The following ERC2 variants were observed in gnomAD, a reference collection of about 807,000 sequenced individuals.
ERC2 encodes the protein ELKS/RAB6-interacting/CAST family member 2.
Under a neutral mutation model 114.8 loss-of-function variants are expected in ERC2, and 42 were observed. The ratio of observed to expected loss-of-function variants is 0.37; its 90% CI spans 0.29 to 0.47. The LOEUF (loss-of-function observed/expected upper bound fraction) is 0.47. ERC2 is among the 20% of genes least tolerant of loss of function. The pLI is 0.99. For missense variants in ERC2, 939 were observed against 1,150.7 expected (o/e 0.82, Z 2.66); for synonymous variants, 454 against 425.5 (o/e 1.07, Z -0.82).
chr3:55,823,929 C>T (rs913447376), intron 14 of ERC2, among the ~76,000 whole-genome samples: 1 of 152,164 alleles, frequency 6.6e-6, no homozygotes, highest in African/African-American at 2.4e-5. Context: ...GGAGGCTAGA[C>T]ATCCAAGATC....
Position 56,296,334 on chromosome 3 carries a change from G to A in ERC2, c.759C>T (p.His253=), listed in dbSNP as rs1219673400. 4 of 1,613,932 alleles carry A rather than the reference G, an allele frequency of 2.5e-6. No individual in the cohort carries two copies. Among genetic ancestry groups the A allele is most frequent in the East Asian group, 2.2e-5 (1 of 44,902 alleles). The stretch of plus-strand genomic sequence containing the variant: ...TCTCCTCGGTCAGCTCGATGGTGAA[G>A]TGCTCCGCTCCTCGGTTGCCACTCT... ...QQESGNRGAE[H]FTIELTEENF... is the part of the protein sequence containing the mutation. The change falls in exon 3 of 18, where the codon CAC becomes CAT. Residue 253 remains histidine (H), a synonymous_variant. Transcript: ENST00000288221.
intron 6 of ERC2, among the ~76,000 whole-genome samples, chr3:56,118,794 G>A (rs373278037): frequency 2.3e-3 from 352 of 151,912 alleles, no homozygotes; most frequent in Middle Eastern, 0.02. Flanking sequence ...CCGCCACCAC[G>A]CCCGGCTAAT....
At chr3:55,587,332 T>C (rs1046076406) in intron 17 of ERC2, among the ~76,000 whole-genome samples, 2 of 152,212 alleles carry the variant, frequency 1.3e-5, no homozygotes, top group African/African-American at 4.8e-5. Context: ...TTTGTATTTT[T>C]AGTGTCACTG....
intron 2 of ERC2, among the ~76,000 whole-genome samples, chr3:56,416,017 G>A (rs1424058440): frequency 2.0e-5 from 3 of 152,166 alleles, no homozygotes; most frequent in African/African-American, 7.2e-5. Context: ...GCCATGACAC[G>A]TTTTAACCAA....
chr3:56,379,871 C>T (rs562898371), intron 2 of ERC2, among the ~76,000 whole-genome samples: 2 of 152,220 alleles, frequency 1.3e-5, no homozygotes, highest in South Asian at 4.2e-4. Flanking sequence ...CAACTGATGA[C>T]GACAATGATG....
chr3:56,406,087 T>C (rs1030516099), intron 2 of ERC2, among the ~76,000 whole-genome samples: 5 of 151,868 alleles, frequency 3.3e-5, no homozygotes, highest in Non-Finnish European at 7.4e-5. Context: ...GAGACGTGGT[T>C]GTGCCATGTC....
At chr3:56,138,132 TC>T (rs2080629639) in intron 6 of ERC2, among the ~76,000 whole-genome samples, 1 of 131,574 alleles carries the variant, frequency 7.6e-6, no homozygotes, top group African/African-American at 2.8e-5. Flanking sequence ...CGATCTCCAC[TC>T]ACTGCAAGCT....
intron 10 of ERC2, among the ~76,000 whole-genome samples, chr3:56,002,342 T>A (rs990453917): frequency 6.6e-6 from 1 of 152,298 alleles, no homozygotes; most frequent in South Asian, 2.1e-4. Flanking sequence ...TGATAAACTC[T>A]AGCCATCTTT....
intron 13 of ERC2, among the ~76,000 whole-genome samples, chr3:55,946,664 C>T (rs960560160): frequency 6.6e-6 from 1 of 152,130 alleles, no homozygotes; most frequent in African/African-American, 2.4e-5. Context: ...CAGAGAGATT[C>T]TCTGCCATAC....
chr3:55,949,815 T>C (rs1317285727), intron 13 of ERC2, among the ~76,000 whole-genome samples: 1 of 152,228 alleles, frequency 6.6e-6, no homozygotes, highest in Non-Finnish European at 1.5e-5. Context: ...TTGAATGTTT[T>C]ATTGAGTACA....
At chr3:55,887,692 C>T (rs184069770) in intron 14 of ERC2, among the ~76,000 whole-genome samples, 1 of 152,274 alleles carries the variant, frequency 6.6e-6, no homozygotes, top group East Asian at 1.9e-4. Context: ...GAGAATGAAA[C>T]AAGAGTGAGG....
intron 14 of ERC2, among the ~76,000 whole-genome samples, chr3:55,882,548 G>T (rs1255060962): frequency 6.6e-6 from 1 of 152,200 alleles, no homozygotes; most frequent in Non-Finnish European, 1.5e-5. Flanking sequence ...AAATGCATTT[G>T]CACTGAACAT....
intron 14 of ERC2, among the ~76,000 whole-genome samples, chr3:55,791,930 T>C (rs1417385154): frequency 6.6e-6 from 1 of 152,198 alleles, no homozygotes; most frequent in Non-Finnish European, 1.5e-5. Context: ...TATGTGAACA[T>C]TTTTACTCCA....
chr3:55,918,917 A>G (rs1311751848), intron 13 of ERC2, among the ~76,000 whole-genome samples: 1 of 151,880 alleles, frequency 6.6e-6, no homozygotes, highest in Admixed American at 6.6e-5. Flanking sequence ...ATGCAGCAAT[A>G]GATTCCTGAT....
At chr3:56,361,332 T>C (rs35977673) in intron 2 of ERC2, among the ~76,000 whole-genome samples, 35,442 of 152,006 alleles carry the variant, frequency 0.23, 4,700 homozygotes, top group Non-Finnish European at 0.29. Context: ...AAAGATGATG[T>C]CTGTTCAAGA....
At chr3:56,361,132 C>T (rs762235544) in intron 2 of ERC2, among the ~76,000 whole-genome samples, 2 of 151,932 alleles carry the variant, frequency 1.3e-5, no homozygotes, top group East Asian at 1.9e-4. Context: ...TTTTGTCTGA[C>T]GTGCTATGGA....
intron 7 of ERC2, among the ~76,000 whole-genome samples, chr3:56,078,662 A>G (rs1488209065): frequency 6.6e-6 from 1 of 152,160 alleles, no homozygotes; most frequent in Non-Finnish European, 1.5e-5. Flanking sequence ...AGCATGTAAC[A>G]TAACCTTGGC....
chr3:56,111,564 G>A (rs757277970), intron 6 of ERC2, among the ~76,000 whole-genome samples: 3 of 152,086 alleles, frequency 2.0e-5, no homozygotes, highest in East Asian at 1.9e-4. Context: ...GGCACTTTAC[G>A]GAGCAGACCA....
intron 17 of ERC2, among the ~76,000 whole-genome samples, chr3:55,559,002 T>G (rs1388386299): frequency 6.6e-6 from 1 of 152,186 alleles, no homozygotes; most frequent in African/African-American, 2.4e-5. Context: ...GGAGACACAG[T>G]TGGGCAGGCT....
Sources: gnomAD v4.1 joint callset for allele counts (sites outside exome capture counted in the v4.1 genomes callset) on GRCh38, gnomAD v4.1.1 for gene constraint, MANE v1.5 for transcripts, NCBI Gene and HGNC (gene_info 2026-07-23, HGNC 2026-07-21) for gene names.